The following GALNT17 variants were observed in gnomAD, a reference collection of about 807,000 sequenced individuals.
GALNT17 encodes the protein polypeptide N-acetylgalactosaminyltransferase 17, also known as UDP-GalNAc:polypeptide N-acetylgalactosaminyltransferase-like 3.
In GALNT17, 29 loss-of-function variants were observed where a neutral mutation model predicts 63.7. That is an observed-to-expected ratio of 0.46 (90% CI 0.34 to 0.62). The LOEUF (loss-of-function observed/expected upper bound fraction) is 0.62, where lower values mean the gene tolerates loss of function less well. Ranked by LOEUF, GALNT17 falls within the 20% of genes least tolerant of loss-of-function variation. The pLI, the probability that GALNT17 is intolerant of heterozygous loss-of-function variation, is 0.01. For synonymous variants in GALNT17, 305 were observed against 318.3 expected, an observed-to-expected ratio of 0.96 and a Z score of 0.45; for missense variants, 603 against 799.6, an observed-to-expected ratio of 0.75 and a Z score of 2.97.
chr7:71,338,684 C>G (rs1439803448), intron 2 of GALNT17, among the ~76,000 whole-genome samples: 1 of 152,160 alleles, frequency 6.6e-6, no homozygotes, highest in Non-Finnish European at 1.5e-5. Flanking sequence ...AGAACTCCAC[C>G]TCCGCTTCTC....
chr7:71,406,259 C>T lies in GALNT17; in HGVS notation c.590-9630C>T, dbSNP rs188882796. On this transcript the variant is annotated intron_variant, in intron 3 of 10. Transcript: ENST00000333538. Reference sequence around the variant, plus strand: ...ATTGTCAGCAGAAAAGGAACTCTGGCATTGGTGGAATCTGCCTCCCCAGTT... The same window carrying T: ...ATTGTCAGCAGAAAAGGAACTCTGGTATTGGTGGAATCTGCCTCCCCAGTT... Among the ~76,000 whole-genome samples, 474 of 152,264 alleles carry T rather than the reference C, an allele frequency of 3.1e-3. 2 individuals carry two copies. Among genetic ancestry groups the T allele is most frequent in the Middle Eastern group, 0.01 (3 of 294 alleles).
At chr7:71,654,590 C>T (rs1348569702) in intron 6 of GALNT17, among the ~76,000 whole-genome samples, 1 of 152,160 alleles carries the variant, frequency 6.6e-6, no homozygotes, top group Non-Finnish European at 1.5e-5. Context: ...ATTATCCTAA[C>T]TTGCATGCAA....
chr7:71,556,138 G>A (rs140895782), intron 5 of GALNT17, among the ~76,000 whole-genome samples: 73 of 152,292 alleles, frequency 4.8e-4, no homozygotes, highest in Non-Finnish European at 7.5e-4. Flanking sequence ...CTATTTTGCT[G>A]CTACTGTAGC....
At chr7:71,593,817 TGCTTTCTCCATGTG>T (rs1789847689) in intron 6 of GALNT17, among the ~76,000 whole-genome samples, 2 of 152,218 alleles carry the variant, frequency 1.3e-5, no homozygotes, top group African/African-American at 4.8e-5. Context: ...TACAGCTTTG[TGCTTTCTCCATGTG>T]ACAGAAATGG....
intron 6 of GALNT17, among the ~76,000 whole-genome samples, chr7:71,592,065 T>C (rs1204673556): frequency 6.6e-6 from 1 of 152,110 alleles, no homozygotes; most frequent in Non-Finnish European, 1.5e-5. Flanking sequence ...ACCAATGCTT[T>C]TTGTGCCTGG....
chr7:71,647,005 G>A (rs1190338205), intron 6 of GALNT17, among the ~76,000 whole-genome samples: 2 of 151,692 alleles, frequency 1.3e-5, no homozygotes, highest in South Asian at 2.1e-4. Context: ...CTCAGCCTCC[G>A]AAAGTGCTGG....
chr7:71,166,422 A>G (rs538316042), intron 1 of GALNT17, among the ~76,000 whole-genome samples: 5 of 152,364 alleles, frequency 3.3e-5, no homozygotes, highest in African/African-American at 4.8e-5. Flanking sequence ...TGCATGCACC[A>G]GTGAAATCAT....
chr7:71,682,813 T>C (rs150016377), intron 9 of GALNT17, among the ~76,000 whole-genome samples: 517 of 152,218 alleles, frequency 3.4e-3, no homozygotes, highest in East Asian at 8.5e-3. Flanking sequence ...GGCAATTTTC[T>C]CACCTCCGCC....
chr7:71,435,681 C>T (rs1248876348), intron 5 of GALNT17, among the ~76,000 whole-genome samples: 1 of 152,094 alleles, frequency 6.6e-6, no homozygotes, highest in Non-Finnish European at 1.5e-5. Context: ...AACCAATCAA[C>T]ACTCTCAACT....
chr7:71,442,534 G>A (rs568927362), intron 5 of GALNT17, among the ~76,000 whole-genome samples: 2 of 152,132 alleles, frequency 1.3e-5, no homozygotes, highest in Admixed American at 1.3e-4. Context: ...CTGAAAATTG[G>A]GTTGGTACTT....
At chr7:71,455,876 A>C (rs1256892922) in intron 5 of GALNT17, among the ~76,000 whole-genome samples, 2 of 152,186 alleles carry the variant, frequency 1.3e-5, no homozygotes, top group African/African-American at 4.8e-5. Context: ...TGTTTGACCT[A>C]ATGAAAGGCA....
chr7:71,226,909 C>G (rs557999419), intron 1 of GALNT17, among the ~76,000 whole-genome samples: 13 of 152,094 alleles, frequency 8.5e-5, no homozygotes, highest in Non-Finnish European at 1.8e-4. Context: ...TGCCCTGCCC[C>G]CTTCCTATGA....
chr7:71,378,352 C>T (rs1792783318), intron 2 of GALNT17, among the ~76,000 whole-genome samples: 1 of 151,896 alleles, frequency 6.6e-6, no homozygotes, highest in Non-Finnish European at 1.5e-5. Flanking sequence ...GCAAGGTTCG[C>T]TGTTGCCAAA....
chr7:71,533,471 G>A (rs1392595042), intron 5 of GALNT17, among the ~76,000 whole-genome samples: 2 of 152,268 alleles, frequency 1.3e-5, no homozygotes, highest in East Asian at 3.9e-4. Context: ...GAGAGATGCT[G>A]AGCAACATAG....
At chr7:71,406,134 T>G (rs1336347240) in intron 3 of GALNT17, among the ~76,000 whole-genome samples, 1 of 152,212 alleles carries the variant, frequency 6.6e-6, no homozygotes, top group South Asian at 2.1e-4. Flanking sequence ...GTTTCCTGAT[T>G]AGCTGACATT....
chr7:71,658,255 T>C (rs1289929899), intron 6 of GALNT17, among the ~76,000 whole-genome samples: 2 of 152,130 alleles, frequency 1.3e-5, no homozygotes, highest in African/African-American at 4.8e-5. Context: ...GAATGAAACA[T>C]GTATCAAAAG....
At chr7:71,203,313 G>A (rs1789210602) in intron 1 of GALNT17, among the ~76,000 whole-genome samples, 2 of 151,940 alleles carry the variant, frequency 1.3e-5, no homozygotes, top group South Asian at 2.1e-4. Context: ...CTTATCTTTC[G>A]TCTTTTTGAA....
intron 6 of GALNT17, among the ~76,000 whole-genome samples, chr7:71,652,450 T>C (rs1525722): frequency 0.97 from 148,471 of 152,278 alleles, 72,482 homozygotes; most frequent in East Asian, 1. Context: ...TCACCATCTC[T>C]AGCATGGCAG....
intron 1 of GALNT17, among the ~76,000 whole-genome samples, chr7:71,249,244 G>A (rs1467132921): frequency 6.6e-6 from 1 of 152,188 alleles, no homozygotes; most frequent in East Asian, 1.9e-4. Context: ...CTGCAAGGAT[G>A]TTTATAATGT....
Sources: gnomAD v4.1 joint callset for allele counts (sites outside exome capture counted in the v4.1 genomes callset) on GRCh38, gnomAD v4.1.1 for gene constraint, MANE v1.5 for transcripts, NCBI Gene and HGNC (gene_info 2026-07-23, HGNC 2026-07-21) for gene names.